Variants in CLASRP observed in about 807,000 individuals in gnomAD.
CLASRP encodes the protein CLK4-associating serine/arginine rich protein.
CLASRP carries 52 observed loss-of-function variants against 99.9 expected under a neutral mutation model. The observed-to-expected ratio is 0.52, with a 90% CI of 0.42 to 0.66. CLASRP has a LOEUF of 0.66. Among genes scored for constraint, CLASRP ranks in the 30% least tolerant of loss-of-function variants. CLASRP has a pLI of 0.00. For synonymous variants in CLASRP, 379 were observed against 373.0 expected (o/e 1.02, Z -0.18); for missense variants, 848 against 999.2 (o/e 0.85, Z 2.04).
intron 11 of CLASRP, 39 bp downstream of exon 11, chr19:45,062,234 A>T (rs1298719542): frequency 8.4e-7 from 1 of 1,189,796 alleles, no homozygotes. Context: ...GCAGACAGGG[A>T]GCCTCCTGAT....
rs376361010 is a variant in CLASRP, at chr19:45,060,355, C to T, written c.711-34C>T. ...GTCCTCCTTACCCTGTGGCCTGCCC[C>T]ATCCTCCACCCTAATTCTCACCCAC... On this transcript the variant is annotated intron_variant, in intron 8 of 20. Transcript: ENST00000221455. This position sits in a 1 kb window ranked among gnomAD's most constrained non-coding sequence, Gnocchi z 4.6. 5.9e-5 allele frequency: 94 copies of T among 1,597,642 alleles called. No homozygotes were observed. The African/African-American group carries it at 1.2e-3, about 20-fold the overall frequency.
rs1192225285 is a variant in CLASRP at position 45,070,087 on chromosome 19, C to T, written c.1940C>T (p.Ser647Leu). Residue 647 changes from serine (S) to leucine (L), a missense_variant, in exon 19 of 21, where the codon TCA becomes TTA. Ser to Leu is a moderately radical substitution (Grantham distance 145). Coordinates refer to ENST00000221455, the MANE Select transcript of CLASRP (RefSeq NM_007056.3). ...CGCCAGTACAGCCGGCAGAGCCGCT[C>T]ACCCTCCCCCCGATACAGTGAGTGT... ...WERQYSRQSRSPSPRYSREYS... is the reference protein window; with the variant it reads ...WERQYSRQSRLPSPRYSREYS... The T allele has an allele frequency of 6.3e-7, 1 of 1,596,924 alleles. No homozygotes were observed. The highest frequency in any genetic ancestry group is 1.3e-5 in the African/African-American group (1 of 74,600).
intron 2 of CLASRP, among the ~76,000 whole-genome samples, chr19:45,043,914 C>T (rs1404097497): frequency 6.6e-6 from 1 of 151,822 alleles, no homozygotes; most frequent in Non-Finnish European, 1.5e-5. Context: ...TGGAGTCTGG[C>T]TCTGTCGCCC....
chr19:45,069,428 C>T (rs559515740), intron 18 of CLASRP, among the ~76,000 whole-genome samples, 180 bp downstream of exon 18: 1 of 152,334 alleles, frequency 6.6e-6, no homozygotes, highest in East Asian at 1.9e-4. Context: ...TGAATTTCCT[C>T]CCACCATTTC....
At chr19:45,057,295 G>A (rs375166639) in intron 6 of CLASRP, among the ~76,000 whole-genome samples, 9 of 152,254 alleles carry the variant, frequency 5.9e-5, no homozygotes, top group East Asian at 1.9e-4. Context: ...CACTGGGAGG[G>A]GTCCCATGGG....
chr19:45,068,840 A>C (rs1967160510), intron 16 of CLASRP, among the ~76,000 whole-genome samples: 1 of 152,078 alleles, frequency 6.6e-6, no homozygotes, highest in Non-Finnish European at 1.5e-5. Flanking sequence ...AACTACAAAA[A>C]ATTAGCCAGG....
intron 18 of CLASRP, 185 bp from the exon 19 acceptor site, chr19:45,069,837 T>C: frequency 1.7e-6 from 1 of 575,250 alleles, no homozygotes; most frequent in East Asian, 2.9e-5. Context: ...GGGCTGGGAT[T>C]CCAGTCAGCC....
intron 6 of CLASRP, 147 bp downstream of exon 6, chr19:45,056,681 G>A (rs1972125240): frequency 2.9e-6 from 2 of 680,236 alleles, no homozygotes; most frequent in Non-Finnish European, 5.0e-6. Flanking sequence ...ATTAATAACT[G>A]TGTAGAGGAA....
Position 45,064,473 on chromosome 19 carries a change from C to T in CLASRP, c.1252C>T (p.Arg418Trp), listed in dbSNP as rs762708877. Residue 418 changes from arginine (R) to tryptophan (W), a missense_variant, in exon 13 of 21, where the codon CGG becomes TGG. By Grantham distance (101) the Arg-to-Trp change is moderately radical (BLOSUM62 -3). Around this residue, in one of 8 missense-constraint regions of CLASRP, gnomAD observed 489 missense variants for 434.7 expected, o/e 1.12. Transcript: ENST00000221455. ...CCGTTCCGGCCGCCACGCCCGCTCCCGGTCCCGCTCCTGGTCCCGCTCCCG... is the reference window on the plus strand; with the variant it reads ...CCGTTCCGGCCGCCACGCCCGCTCCTGGTCCCGCTCCTGGTCCCGCTCCCG... ...YYRSGRHARS[R>W]SRSWSRSRSR... The T allele has an allele frequency of 5.9e-6, 9 of 1,526,406 alleles. No homozygotes were observed. The highest frequency in any genetic ancestry group is 1.4e-5 in the African/African-American group (1 of 72,398). 94.6% of individuals were successfully genotyped at this position (1,526,406 alleles called of 1,614,324 possible). A position where few individuals can be genotyped will look rare whatever the true frequency, so the allele number is the denominator to read the frequency against.
chr19:45,070,645 C>T (rs780848428), intron 20 of CLASRP, 84 bp downstream of exon 20: 28 of 1,389,858 alleles, frequency 2.0e-5, no homozygotes, highest in Middle Eastern at 1.8e-4. Context: ...CCTCCAGCCT[C>T]ACCCTGTACC....
In CLASRP at chr19:45,053,044, TG is replaced by T. The variant is rs1329312398; in HGVS notation, c.300-46del. On this transcript the variant is annotated intron_variant, in intron 4 of 20. Transcript: ENST00000221455. Reference sequence around the variant, plus strand: ...TGCCTCATTTCCCTTCCTGCTGGCTTGGGGGGGGATCCACTCCTTCTCTCTG... The same window carrying T: ...TGCCTCATTTCCCTTCCTGCTGGCTTGGGGGGGATCCACTCCTTCTCTCTG... 5.2e-5 allele frequency: 82 copies of T among 1,586,138 alleles called. No individual in the cohort carries two copies. The Middle Eastern group carries it at 1.5e-3, about 29-fold the overall frequency.
chr19:45,067,864 G>T lies in CLASRP; in HGVS notation c.1668-151G>T, dbSNP rs539379495. 8 of 683,548 alleles carry T rather than the reference G, an allele frequency of 1.2e-5. No individual in the cohort carries two copies. In the East Asian group the frequency reaches 1.9e-4, roughly 16 times the overall value. The allele number at this position is 683,548 out of a possible 1,614,324, so 42.3% of individuals were successfully genotyped here. A position where few individuals can be genotyped will look rare whatever the true frequency, so the allele number is the denominator to read the frequency against. ...GACAGGTCCCTGTCTTACAGGTTCT[G>T]TGGGGTCTGAGAGGGACATGGTTGC... On this transcript the variant is annotated intron_variant, in intron 14 of 20. Transcript: ENST00000221455. This position sits in a 1 kb window ranked among gnomAD's most constrained non-coding sequence, Gnocchi z 4.9.
intron 16 of CLASRP, 99 bp downstream of exon 16, chr19:45,068,579 C>A: frequency 1.1e-6 from 1 of 895,906 alleles, no homozygotes; most frequent in Non-Finnish European, 1.9e-6. Context: ...CTGGCCCTTC[C>A]CTAGAGAGGC....
chr19:45,042,558 CA>C (rs1427568667), intron 2 of CLASRP, among the ~76,000 whole-genome samples: 1 of 151,440 alleles, frequency 6.6e-6, no homozygotes, highest in Admixed American at 6.6e-5. Flanking sequence ...CACACACGCA[CA>C]CACATACGCA....
At chr19:45,066,479 C>T (rs777529547) in intron 13 of CLASRP, among the ~76,000 whole-genome samples, 6 of 151,134 alleles carry the variant, frequency 4.0e-5, no homozygotes, top group South Asian at 2.1e-4. Flanking sequence ...AAAAATTAGC[C>T]GGGTGTGGTT....
chr19:45,039,982 A>G, intron 1 of CLASRP: 2 of 412,334 alleles, frequency 4.9e-6, no homozygotes, highest in Non-Finnish European at 4.6e-6. Flanking sequence ...AGGGTTTTTC[A>G]GAATGCCCAA....
chr19:45,063,917 G>T (rs1967000331), intron 11 of CLASRP, 95 bp from the exon 12 acceptor site: 1 of 1,473,332 alleles, frequency 6.8e-7, no homozygotes. Context: ...GGTCGCTGTG[G>T]CCCGCGCTGG....
chr19:45,043,004 T>A lies in CLASRP; in HGVS notation c.99+2693T>A, dbSNP rs1046332078. ...ACATATAAGTACTTTACACAAACTTTGTTTCATGCACAAAATTATTTAAAA... is the reference window on the plus strand; with the variant it reads ...ACATATAAGTACTTTACACAAACTTAGTTTCATGCACAAAATTATTTAAAA... On this transcript the variant is annotated intron_variant, in intron 2 of 20. Transcript: ENST00000221455. Among the ~76,000 whole-genome samples the A allele has an allele frequency of 2.6e-5, 4 of 152,312 alleles. No individual in the cohort carries two copies. The South Asian group carries it at 8.3e-4, about 32-fold the overall frequency.
intron 2 of CLASRP, among the ~76,000 whole-genome samples, chr19:45,045,707 G>A (rs922624403): frequency 9.9e-5 from 15 of 152,156 alleles, no homozygotes; most frequent in African/African-American, 3.6e-4. Flanking sequence ...CCAATTAATG[G>A]TTTGCCACTA....
Sources: allele counts gnomAD v4.1 joint callset (sites outside exome capture counted in the v4.1 genomes callset), GRCh38; gene constraint gnomAD v4.1.1; regional missense constraint gnomAD v4.1.1; non-coding constraint Gnocchi (gnomAD v3.1); transcripts MANE v1.5; gene names NCBI Gene and HGNC (gene_info 2026-07-23, HGNC 2026-07-21).